Variants in ASPH observed in about 807,000 individuals in gnomAD.
ASPH encodes aspartyl/asparaginyl beta-hydroxylase.
In ASPH, 100 loss-of-function variants were observed where a neutral mutation model predicts 118.4. The observed-to-expected ratio is 0.84, with a 90% confidence interval of 0.72 to 1.00. The LOEUF is 1.00. Ranked by LOEUF, ASPH falls within the 50% of genes least tolerant of loss-of-function variation. ASPH has a pLI of 0.00. For synonymous variants in ASPH, 315 were observed against 325.6 expected, an observed-to-expected ratio of 0.97 and a Z score of 0.35; for missense variants, 920 against 919.5, an observed-to-expected ratio of 1.00 and a Z score of -0.01.
rs1057360637 is a variant in ASPH at position 61,596,285 on chromosome 8, C to T, written c.977-12256G>A. Among the ~76,000 whole-genome samples the T allele has an allele frequency of 4.6e-5, 7 of 152,318 alleles. No individual in the cohort carries two copies. The South Asian group carries it at 1.0e-3, about 23-fold the overall frequency. On this transcript the variant is annotated intron_variant, in intron 14 of 24. Coordinates refer to ENST00000379454, the MANE Select transcript of ASPH (RefSeq NM_004318.4). ...CTGCCACCTCTACTGCAAGCAACCACTTGTACACCCTACCTGGGGACCTAG... is the reference window on the plus strand; with the variant it reads ...CTGCCACCTCTACTGCAAGCAACCATTTGTACACCCTACCTGGGGACCTAG...
At chr8:61,569,516 G>GAACA (rs762176883) in intron 16 of ASPH, among the ~76,000 whole-genome samples, 11 of 151,654 alleles carry the variant, frequency 7.3e-5, no homozygotes, top group African/African-American at 2.4e-4. Context: ...CCAAAGTAAA[G>GAACA]AACAAACAAA....
intron 10 of ASPH, among the ~76,000 whole-genome samples, chr8:61,640,601 C>G (rs1804673399): frequency 6.6e-6 from 1 of 152,204 alleles, no homozygotes; most frequent in Non-Finnish European, 1.5e-5. Context: ...CTTGTTCTTC[C>G]TAGCACTTAT....
intron 20 of ASPH, among the ~76,000 whole-genome samples, chr8:61,550,004 AAAGT>A (rs1825324003): frequency 1.3e-5 from 2 of 152,188 alleles, no homozygotes; most frequent in Admixed American, 1.3e-4. Context: ...TCTGACACTC[AAAGT>A]AAGTAATCCT....
intron 3 of ASPH, chr8:61,665,411 T>C: frequency 6.2e-7 from 1 of 1,611,726 alleles, no homozygotes; most frequent in Non-Finnish European, 8.5e-7. Flanking sequence ...AGCACTTTTT[T>C]CTAGGTCCAC....
At chr8:61,531,575 T>A (rs955885995) in intron 21 of ASPH, among the ~76,000 whole-genome samples, 1 of 152,032 alleles carries the variant, frequency 6.6e-6, no homozygotes, top group Non-Finnish European at 1.5e-5. Flanking sequence ...ATTTTAAAAA[T>A]GTATAGTTGA....
chr8:61,547,621 A>G (rs1000859123), intron 21 of ASPH, among the ~76,000 whole-genome samples: 1 of 152,194 alleles, frequency 6.6e-6, no homozygotes, highest in African/African-American at 2.4e-5. Flanking sequence ...AAGATTTGTA[A>G]AAATACAAAA....
At chr8:61,674,493 T>G (rs1034101251) in intron 3 of ASPH, among the ~76,000 whole-genome samples, 1 of 152,222 alleles carries the variant, frequency 6.6e-6, no homozygotes, top group Non-Finnish European at 1.5e-5. Flanking sequence ...AGAGCTTTAA[T>G]AGTCACTTTA....
chr8:61,584,157 T>C (rs1838515900), intron 14 of ASPH, 128 bp from the exon 15 acceptor site: 4 of 598,130 alleles, frequency 6.7e-6, no homozygotes, highest in East Asian at 3.0e-5. Flanking sequence ...GAAGGCACAC[T>C]GCAGGCTCGC....
chr8:61,573,909 G>C (rs112864966), intron 16 of ASPH, among the ~76,000 whole-genome samples: 2,551 of 152,234 alleles, frequency 0.017, 32 homozygotes, highest in Middle Eastern at 0.037. Flanking sequence ...AAAGTGAACA[G>C]GCAACCTACA....
At chr8:61,631,619 A>G (rs1218034388) in intron 13 of ASPH, 3 of 152,210 alleles carry the variant, frequency 2.0e-5, no homozygotes, top group Non-Finnish European at 2.9e-5. Context: ...CTCAGTCTGT[A>G]GCCTTGTCAT....
Position 61,714,317 on chromosome 8 carries a change from C to A in ASPH, c.55G>T (p.Gly19Cys), listed in dbSNP as rs1328944258. 1 of 1,519,154 alleles carries A rather than the reference C, an allele frequency of 6.6e-7. No homozygotes were observed. Among genetic ancestry groups the A allele is most frequent in the Non-Finnish European group, 8.8e-7 (1 of 1,134,128 alleles). The allele number at this position is 1,519,154 out of a possible 1,614,324, so 94.1% of individuals were successfully genotyped here. A position where few individuals can be genotyped will look rare whatever the true frequency, so the allele number is the denominator to read the frequency against. ...CTGCCCGCACTCGTGCTACCGCTGC[C>A]GGAGCCGCTGCTGCTGCTGTTGCCG... ...SSGNSSSSGS[G>C]SGSTSAGSSS... The change falls in exon 1 of 25, where the codon GGC becomes TGC. Residue 19 changes from glycine (G) to cysteine (C), a missense_variant. Physicochemically the swap from Gly to Cys is radical, Grantham distance 159 (BLOSUM62 -3). Coordinates refer to ENST00000379454, the MANE Select transcript of ASPH (RefSeq NM_004318.4).
intron 13 of ASPH, among the ~76,000 whole-genome samples, chr8:61,632,863 T>C (rs1856187638): frequency 6.6e-6 from 1 of 152,182 alleles, no homozygotes; most frequent in Admixed American, 6.6e-5. Context: ...TGCACATCAC[T>C]GCTACAAAAT....
chr8:61,524,479 G>C (rs905567091), intron 22 of ASPH, among the ~76,000 whole-genome samples: 1 of 152,052 alleles, frequency 6.6e-6, no homozygotes, highest in Non-Finnish European at 1.5e-5. Context: ...TTAAACAACA[G>C]GGTAGACACA....
At chr8:61,683,759 A>G in intron 2 of ASPH, 1 of 289,276 alleles carries the variant, frequency 3.5e-6, no homozygotes, top group East Asian at 6.0e-5. Context: ...AAAGTACTGC[A>G]TATAGTGAGA....
chr8:61,501,529 C>T lies in ASPH; in HGVS notation c.*1830G>A, dbSNP rs912848529. The T allele has an allele frequency of 6.6e-6, 1 of 152,114 alleles. No individual in the cohort carries two copies. Among genetic ancestry groups the T allele is most frequent in the African/African-American group, 2.4e-5 (1 of 41,422 alleles). The allele number at this position is 152,114 out of a possible 1,614,324, so 9.4% of individuals were successfully genotyped here. On this transcript the variant is annotated 3_prime_UTR_variant, in exon 25 of 25. Transcript: ENST00000379454. The stretch of plus-strand genomic sequence containing the variant: ...TGTGTATGCAATATACATATGAGAA[C>T]CAAATTCAACAAGTGACATGAATGT...
rs1278417328 is a variant in ASPH at position 61,637,957 on chromosome 8, T to A, written c.879A>T (p.Val293=). 14 of 1,608,886 alleles carry A rather than the reference T, an allele frequency of 8.7e-6. No homozygotes were observed. The highest frequency in any genetic ancestry group is 1.2e-5 in the Non-Finnish European group (14 of 1,177,972). ...ATAAATTTATCTTACCTTCTACAAT[T>A]ACCTGTGAATCTTCTACAGGATTAT... is the stretch of plus-strand genomic sequence containing the variant. ...PEDNPVEDSQ[V]IVEEVSIFPV... is the part of the protein sequence containing the mutation. Residue 293 remains valine, a synonymous_variant, in exon 12 of 25, where the codon GTA becomes GTT. Transcript: ENST00000379454.
At chr8:61,670,394 C>G (rs1244239404) in intron 3 of ASPH, among the ~76,000 whole-genome samples, 1 of 151,360 alleles carries the variant, frequency 6.6e-6, no homozygotes, top group Non-Finnish European at 1.5e-5. Context: ...ATGTTACTTA[C>G]TAAATATCCT....
intron 1 of ASPH, among the ~76,000 whole-genome samples, chr8:61,699,302 C>A (rs1834689209): frequency 6.6e-6 from 1 of 152,174 alleles, no homozygotes; most frequent in Admixed American, 6.5e-5. Context: ...CACAACTTTG[C>A]CAAAAGCTAA....
At chr8:61,508,594 A>C (rs1807566617) in intron 24 of ASPH, among the ~76,000 whole-genome samples, 1 of 152,340 alleles carries the variant, frequency 6.6e-6, no homozygotes, top group South Asian at 2.1e-4. Flanking sequence ...TATCTTAGCT[A>C]TCTTTGCTAA....
Sources: allele counts gnomAD v4.1 joint callset (sites outside exome capture counted in the v4.1 genomes callset), GRCh38; gene constraint gnomAD v4.1.1; transcripts MANE v1.5; gene names NCBI Gene and HGNC (gene_info 2026-07-23, HGNC 2026-07-21).